The following DGKB variants were observed in gnomAD, a reference collection of about 807,000 sequenced individuals.
The protein encoded by DGKB is diacylglycerol kinase beta.
DGKB carries 67 observed loss-of-function variants against 114.3 expected under a neutral mutation model. The observed-to-expected ratio is 0.59, with a 90% CI of 0.48 to 0.72. DGKB has a LOEUF of 0.72. Among genes scored for constraint, DGKB ranks in the 30% least tolerant of loss-of-function variants. The probability of loss-of-function intolerance (pLI) is 0.00; values close to 1 mark genes in which losing one functional copy is unlikely to be tolerated. For missense variants in DGKB, 907 were observed against 975.2 expected (o/e 0.93, Z 0.93); for synonymous variants, 398 against 323.1 (o/e 1.23, Z -2.49).
upstream of DGKB, among the ~76,000 whole-genome samples, chr7:14,905,338 G>A (rs183895024): frequency 8.6e-5 from 13 of 150,878 alleles, no homozygotes; most frequent in Admixed American, 2.0e-4. Flanking sequence ...TGGTAATGGA[G>A]GAAGAAAATT....
chr7:14,509,895 T>C (rs1787719395), intron 20 of DGKB, among the ~76,000 whole-genome samples: 1 of 152,188 alleles, frequency 6.6e-6, no homozygotes, highest in Non-Finnish European at 1.5e-5. Flanking sequence ...TATAATCACT[T>C]GGCCAGGCAT....
intron 21 of DGKB, among the ~76,000 whole-genome samples, chr7:14,415,886 T>A (rs1465785880): frequency 4.6e-5 from 7 of 152,176 alleles, no homozygotes; most frequent in South Asian, 2.1e-4. Flanking sequence ...CAGTCCCACC[T>A]ACAGTGTAAA....
intron 4 of DGKB, among the ~76,000 whole-genome samples, chr7:14,752,363 A>G (rs1183658340): frequency 6.6e-6 from 1 of 152,164 alleles, no homozygotes; most frequent in African/African-American, 2.4e-5. Context: ...GTCTGAATGC[A>G]AAGGGTATAC....
At chr7:14,602,306 A>T (rs1803693997) in intron 17 of DGKB, among the ~76,000 whole-genome samples, 1 of 152,176 alleles carries the variant, frequency 6.6e-6, no homozygotes, top group South Asian at 2.1e-4. Flanking sequence ...TTGAGTTGGT[A>T]TTAAAACAAA....
intron 20 of DGKB, among the ~76,000 whole-genome samples, chr7:14,517,034 C>T (rs1161886167): frequency 6.6e-6 from 1 of 152,120 alleles, no homozygotes; most frequent in East Asian, 1.9e-4. Context: ...CTGGAGGTGT[C>T]ACATTACCCA....
chr7:14,861,442 A>G (rs1441694011), intron 1 of DGKB, among the ~76,000 whole-genome samples: 1 of 151,940 alleles, frequency 6.6e-6, no homozygotes, highest in Non-Finnish European at 1.5e-5. Flanking sequence ...TCTTTTTTTC[A>G]TTATTTAAAC....
At chr7:14,640,457 T>G (rs1170111462) in intron 13 of DGKB, among the ~76,000 whole-genome samples, 1 of 152,210 alleles carries the variant, frequency 6.6e-6, no homozygotes, top group Non-Finnish European at 1.5e-5. Context: ...AGCCGTAATC[T>G]TCCAGGGTTT....
At chr7:14,584,767 T>TC (rs1800486448) in intron 17 of DGKB, among the ~76,000 whole-genome samples, 1 of 152,212 alleles carries the variant, frequency 6.6e-6, no homozygotes, top group Admixed American at 6.5e-5. Flanking sequence ...CAAGGGATTC[T>TC]CCTGCCTCAG....
At chr7:14,944,972 G>A (rs976729393) in intron 1 of DGKB, among the ~76,000 whole-genome samples, 21 of 151,514 alleles carry the variant, frequency 1.4e-4, no homozygotes, top group African/African-American at 5.1e-4. Flanking sequence ...TAATCTAGTA[G>A]AAAAATAACA....
At chr7:14,321,529 A>G (rs1254672768) in intron 23 of DGKB, among the ~76,000 whole-genome samples, 1 of 151,904 alleles carries the variant, frequency 6.6e-6, no homozygotes, top group African/African-American at 2.4e-5. Context: ...CTCCAATATC[A>G]AGAACAAGAC....
At chr7:14,740,874 G>A (rs1418864364) in intron 4 of DGKB, among the ~76,000 whole-genome samples, 3 of 152,128 alleles carry the variant, frequency 2.0e-5, no homozygotes, top group African/African-American at 7.2e-5. Context: ...CCAGGCCTCA[G>A]GGATATAAGG....
chr7:14,725,995 T>A (rs910341023), intron 5 of DGKB, among the ~76,000 whole-genome samples: 1 of 152,230 alleles, frequency 6.6e-6, no homozygotes, highest in African/African-American at 2.4e-5. Flanking sequence ...TATCCTGTTT[T>A]TCTTCAGTCT....
At chr7:14,547,337 GTTAC>G (rs564822217) in intron 20 of DGKB, among the ~76,000 whole-genome samples, 3 of 152,056 alleles carry the variant, frequency 2.0e-5, no homozygotes, top group Non-Finnish European at 4.4e-5. Flanking sequence ...AAAGGATATA[GTTAC>G]TTCTGTCTTT....
intron 21 of DGKB, among the ~76,000 whole-genome samples, chr7:14,388,823 G>GA (rs1583582775): frequency 1.3e-5 from 2 of 152,130 alleles, no homozygotes; most frequent in East Asian, 3.9e-4. Context: ...GACAACTGAG[G>GA]AAAGAGCACA....
chr7:14,973,370 T>A (rs976287262), intron 1 of DGKB, among the ~76,000 whole-genome samples: 2 of 151,680 alleles, frequency 1.3e-5, no homozygotes, highest in African/African-American at 2.4e-5. Context: ...AAAATACTGT[T>A]TAGTTAAAAT....
chr7:14,900,897 G>C (rs1782926784), intron 1 of DGKB, among the ~76,000 whole-genome samples: 1 of 152,062 alleles, frequency 6.6e-6, no homozygotes, highest in Non-Finnish European at 1.5e-5. Flanking sequence ...AATAATAGTT[G>C]ACTCTAGAGT....
At chr7:14,531,976 A>C (rs544178439) in intron 20 of DGKB, among the ~76,000 whole-genome samples, 1 of 151,480 alleles carries the variant, frequency 6.6e-6, no homozygotes, top group East Asian at 1.9e-4. Context: ...ATATGCAAAA[A>C]AAAAATGAAG....
chr7:14,301,304 G>A (rs1562878917), intron 23 of DGKB, among the ~76,000 whole-genome samples: 1 of 152,148 alleles, frequency 6.6e-6, no homozygotes, highest in East Asian at 1.9e-4. Flanking sequence ...TTGATCCACA[G>A]TGCAACTTTT....
At chr7:14,775,987 G>T (rs1356028723) in intron 2 of DGKB, among the ~76,000 whole-genome samples, 1 of 152,100 alleles carries the variant, frequency 6.6e-6, no homozygotes, top group Non-Finnish European at 1.5e-5. Context: ...CCAGAGACTT[G>T]TGGAATGGCT....
Sources: allele counts gnomAD v4.1 joint callset (sites outside exome capture counted in the v4.1 genomes callset), GRCh38; gene constraint gnomAD v4.1.1; transcripts MANE v1.5; gene names NCBI Gene and HGNC (gene_info 2026-07-23, HGNC 2026-07-21).